The following PRKAA2 variants were observed in gnomAD, a reference collection of about 807,000 sequenced individuals.
The protein encoded by PRKAA2 is protein kinase AMP-activated catalytic subunit alpha 2.
In PRKAA2, 40 loss-of-function variants were observed where a neutral mutation model predicts 56.3. The ratio of observed to expected loss-of-function variants is 0.71; its 90% CI spans 0.55 to 0.92. The LOEUF is 0.92. Among genes scored for constraint, PRKAA2 ranks in the 40% least tolerant of loss-of-function variants. The pLI, the probability that PRKAA2 is intolerant of heterozygous loss-of-function variation, is 0.00. For synonymous variants in PRKAA2, 214 were observed against 234.2 expected (o/e 0.91, Z 0.79); for missense variants, 542 against 686.9 (o/e 0.79, Z 2.36).
intron 1 of PRKAA2, among the ~76,000 whole-genome samples, chr1:56,646,435 T>C (rs1250020995): frequency 6.6e-6 from 1 of 152,198 alleles, no homozygotes; most frequent in Non-Finnish European, 1.5e-5. Context: ...CCCTTTTGAA[T>C]GTAGAAAAAC....
At position 56,695,985 on chromosome 1, in the gene PRKAA2, A is replaced by G. The variant is rs1644256354; in HGVS notation, c.614A>G (p.Tyr205Cys). ...ATCTGGAGCTGTGGTGTTATCTTGTATGCTCTTCTTTGTGGCACCCTCCCA... is the reference window on the plus strand; with the variant it reads ...ATCTGGAGCTGTGGTGTTATCTTGTGTGCTCTTCTTTGTGGCACCCTCCCA... ...VDIWSCGVIL[Y>C]ALLCGTLPFD... The change falls in exon 6 of 9, where the codon TAT becomes TGT. Residue 205 changes from tyrosine to cysteine, a missense_variant. By Grantham distance (194) the Tyr-to-Cys change is radical. Transcript: ENST00000371244. The G allele has an allele frequency of 1.9e-6, 3 of 1,611,774 alleles. No individual in the cohort carries two copies. The highest frequency in any genetic ancestry group is 1.7e-5 in the Admixed American group (1 of 59,522).
chr1:56,684,625 C>G (rs1644178727), intron 2 of PRKAA2, among the ~76,000 whole-genome samples: 1 of 152,150 alleles, frequency 6.6e-6, no homozygotes, highest in Non-Finnish European at 1.5e-5. Flanking sequence ...AGATCACCAA[C>G]TGTCCCTTTT....
intron 2 of PRKAA2, 113 bp downstream of exon 2, chr1:56,674,635 T>A: frequency 1.0e-6 from 1 of 953,272 alleles, no homozygotes; most frequent in Non-Finnish European, 1.5e-6. Flanking sequence ...TTTTTCATGT[T>A]CATATTCAGC....
chr1:56,698,938 A>G (rs72668326), intron 6 of PRKAA2, among the ~76,000 whole-genome samples: 16,485 of 152,180 alleles, frequency 0.11, 1,297 homozygotes, highest in East Asian at 0.24. Context: ...TCTTAAGCTT[A>G]GTAATAGTAT....
chr1:56,699,961 T>A (rs1644283179), intron 6 of PRKAA2, among the ~76,000 whole-genome samples: 1 of 152,234 alleles, frequency 6.6e-6, no homozygotes, highest in Admixed American at 6.5e-5. Flanking sequence ...TATTCCAGTG[T>A]ATGAATATAC....
At chr1:56,650,996 G>C (rs1031567091) in intron 1 of PRKAA2, among the ~76,000 whole-genome samples, 2 of 152,178 alleles carry the variant, frequency 1.3e-5, no homozygotes, top group Non-Finnish European at 2.9e-5. Context: ...AATTGATGGA[G>C]CTAAAAGTTA....
intron 1 of PRKAA2, among the ~76,000 whole-genome samples, chr1:56,651,998 C>T (rs1488535449): frequency 4.0e-5 from 6 of 148,572 alleles, no homozygotes; most frequent in East Asian, 2.0e-4. Context: ...CCTGCCACCA[C>T]GCCTGGCTAA....
At chr1:56,691,566 A>T in intron 3 of PRKAA2, 79 bp downstream of exon 3, 1 of 1,151,422 alleles carries the variant, frequency 8.7e-7, no homozygotes, top group Non-Finnish European at 1.2e-6. Context: ...CAATGCAAAG[A>T]TATCTTCAAG....
intron 7 of PRKAA2, among the ~76,000 whole-genome samples, chr1:56,704,766 T>G (rs1013403687): frequency 6.6e-6 from 1 of 151,944 alleles, no homozygotes. Flanking sequence ...AAATCATGAG[T>G]GTCTTCAAAG....
chr1:56,645,794 GTCC>G (rs983245851), intron 1 of PRKAA2, among the ~76,000 whole-genome samples: 12 of 152,152 alleles, frequency 7.9e-5, no homozygotes, highest in African/African-American at 2.4e-4. Flanking sequence ...GGACCTCAGT[GTCC>G]TCCTCTGCAA....
chr1:56,665,860 G>A (rs889848997), intron 1 of PRKAA2, among the ~76,000 whole-genome samples: 1 of 152,056 alleles, frequency 6.6e-6, no homozygotes, highest in Non-Finnish European at 1.5e-5. Context: ...CTGTTTTCCT[G>A]TGAGACATAT....
At chr1:56,679,082 T>C (rs914620779) in intron 2 of PRKAA2, among the ~76,000 whole-genome samples, 1 of 152,188 alleles carries the variant, frequency 6.6e-6, no homozygotes, top group African/African-American at 2.4e-5. Context: ...TGTCTCTAGG[T>C]TTCCATGACA....
chr1:56,704,963 C>T (rs1013767800), intron 7 of PRKAA2, among the ~76,000 whole-genome samples: 1 of 152,026 alleles, frequency 6.6e-6, no homozygotes, highest in African/African-American at 2.4e-5. Flanking sequence ...TTGGCTAGTG[C>T]TTTTAATACT....
At chr1:56,690,448 C>T (rs1200687693) in intron 2 of PRKAA2, among the ~76,000 whole-genome samples, 2 of 152,148 alleles carry the variant, frequency 1.3e-5, no homozygotes, top group South Asian at 2.1e-4. Context: ...GGATTACAGG[C>T]GTGAGCCACC....
chr1:56,691,372 C>T (rs375776548), intron 2 of PRKAA2, 22 bp from the exon 3 acceptor site: 1 of 1,577,856 alleles, frequency 6.3e-7, no homozygotes, highest in Non-Finnish European at 8.7e-7. Context: ...ACTTTGTTAA[C>T]TTTTTTTAAT....
chr1:56,705,298 A>G (rs1377286383), intron 7 of PRKAA2, among the ~76,000 whole-genome samples: 1 of 152,234 alleles, frequency 6.6e-6, no homozygotes, highest in East Asian at 1.9e-4. Flanking sequence ...TTTAGTTAAA[A>G]AAGAGACGTT....
At chr1:56,652,091 C>T (rs1285949894) in intron 1 of PRKAA2, among the ~76,000 whole-genome samples, 1 of 149,690 alleles carries the variant, frequency 6.7e-6, no homozygotes, top group Non-Finnish European at 1.5e-5. Flanking sequence ...CGGCTCACTA[C>T]AACCTCTGCC....
intron 2 of PRKAA2, among the ~76,000 whole-genome samples, chr1:56,688,084 A>G (rs1055927684): frequency 6.6e-6 from 1 of 152,214 alleles, no homozygotes; most frequent in African/African-American, 2.4e-5. Context: ...AGACAGCACA[A>G]GAGATTTGAC....
intron 1 of PRKAA2, among the ~76,000 whole-genome samples, chr1:56,658,142 T>C (rs1643960369): frequency 6.6e-6 from 1 of 152,214 alleles, no homozygotes; most frequent in Non-Finnish European, 1.5e-5. Flanking sequence ...GCCATTAAAA[T>C]GAAACCTGAG....
Sources: allele counts gnomAD v4.1 joint callset (sites outside exome capture counted in the v4.1 genomes callset), GRCh38; gene constraint gnomAD v4.1.1; transcripts MANE v1.5; gene names NCBI Gene and HGNC (gene_info 2026-07-23, HGNC 2026-07-21).